The following DGKB variants were observed in gnomAD, a reference collection of about 807,000 sequenced individuals.
The protein encoded by DGKB is diacylglycerol kinase beta.
A neutral mutation model predicts 114.3 loss-of-function variants in DGKB; 67 were observed. That is an observed-to-expected ratio of 0.59 (90% confidence interval 0.48 to 0.72). DGKB has a LOEUF of 0.72. DGKB is among the 30% of genes least tolerant of loss of function. DGKB has a pLI of 0.00. For missense variants in DGKB, 907 were observed against 975.2 expected, an observed-to-expected ratio of 0.93 and a Z score of 0.93; for synonymous variants, 398 against 323.1, an observed-to-expected ratio of 1.23 and a Z score of -2.49.
At chr7:14,500,371 A>AT (rs1320303696) in intron 20 of DGKB, among the ~76,000 whole-genome samples, 3 of 151,644 alleles carry the variant, frequency 2.0e-5, no homozygotes, top group Admixed American at 6.6e-5. Flanking sequence ...AAAAATAGGT[A>AT]TTTTTTATTA....
chr7:14,669,838 C>T (rs1003191539), intron 13 of DGKB, among the ~76,000 whole-genome samples: 38 of 152,226 alleles, frequency 2.5e-4, no homozygotes, highest in African/African-American at 8.9e-4. Flanking sequence ...TCCCAGAACA[C>T]ATCAGTTGTT....
chr7:14,605,242 C>T (rs750308756), intron 17 of DGKB, among the ~76,000 whole-genome samples: 3 of 151,620 alleles, frequency 2.0e-5, no homozygotes, highest in South Asian at 2.1e-4. Context: ...TCTACTGAAA[C>T]GGAACAATGT....
At chr7:14,795,167 T>C (rs1007120381) in intron 2 of DGKB, among the ~76,000 whole-genome samples, 1 of 152,158 alleles carries the variant, frequency 6.6e-6, no homozygotes, top group Non-Finnish European at 1.5e-5. Context: ...CAGACAGAAA[T>C]CTGGAGAACA....
At chr7:14,681,298 T>C (rs1305615254) in intron 12 of DGKB, among the ~76,000 whole-genome samples, 4 of 152,094 alleles carry the variant, frequency 2.6e-5, no homozygotes. Context: ...AAATTTCAAA[T>C]GTAAACATAA....
intron 23 of DGKB, among the ~76,000 whole-genome samples, chr7:14,222,411 A>C (rs1336116099): frequency 6.6e-6 from 1 of 151,008 alleles, no homozygotes; most frequent in Admixed American, 6.6e-5. Context: ...GTTATTTTAG[A>C]GTATGTTTTT....
intron 17 of DGKB, among the ~76,000 whole-genome samples, chr7:14,593,138 C>T (rs1010407837): frequency 5.9e-4 from 90 of 151,996 alleles, no homozygotes; most frequent in African/African-American, 2.1e-3. Context: ...CCATTAATAA[C>T]TGAAACATTT....
At chr7:14,597,297 GAT>G (rs1306997250) in intron 17 of DGKB, among the ~76,000 whole-genome samples, 1 of 151,982 alleles carries the variant, frequency 6.6e-6, no homozygotes, top group East Asian at 1.9e-4. Flanking sequence ...ATCAAGAAGA[GAT>G]AAGTAAAAGT....
chr7:14,728,710 T>C (rs1830385420), intron 5 of DGKB, among the ~76,000 whole-genome samples: 2 of 151,958 alleles, frequency 1.3e-5, no homozygotes, highest in South Asian at 2.1e-4. Context: ...TCCTTTTTTT[T>C]TTTTTTTCTC....
chr7:14,747,313 C>G (rs1049273598), intron 4 of DGKB, among the ~76,000 whole-genome samples: 1 of 151,656 alleles, frequency 6.6e-6, no homozygotes, highest in Non-Finnish European at 1.5e-5. Flanking sequence ...CCACCTCATC[C>G]TCCCCAGTAT....
intron 21 of DGKB, among the ~76,000 whole-genome samples, chr7:14,351,233 G>A (rs147693365): frequency 4.6e-5 from 7 of 152,286 alleles, no homozygotes; most frequent in Admixed American, 4.6e-4. Flanking sequence ...GGGTTATAGG[G>A]TTACTCATTT....
intron 1 of DGKB, among the ~76,000 whole-genome samples, chr7:14,916,030 G>A (rs1010835070): frequency 6.6e-6 from 1 of 151,954 alleles, no homozygotes; most frequent in Admixed American, 6.6e-5. Flanking sequence ...TAAGTAAGAT[G>A]GATGACAACA....
chr7:14,886,655 C>T (rs969746054), intron 1 of DGKB, among the ~76,000 whole-genome samples: 1 of 151,904 alleles, frequency 6.6e-6, no homozygotes, highest in Non-Finnish European at 1.5e-5. Flanking sequence ...ACCATTACTG[C>T]AGTAATCTGG....
intron 21 of DGKB, among the ~76,000 whole-genome samples, chr7:14,362,029 G>C (rs1815844561): frequency 6.6e-6 from 1 of 151,892 alleles, no homozygotes; most frequent in South Asian, 2.1e-4. Flanking sequence ...AATATTATTG[G>C]ATATTTACGG....
At chr7:14,338,384 C>G (rs973000480) in intron 23 of DGKB, 131 bp downstream of exon 23, 1 of 494,566 alleles carries the variant, frequency 2.0e-6, no homozygotes, top group Admixed American at 4.0e-5. Context: ...ACATGGGTAT[C>G]CCATAATATG....
chr7:14,503,652 A>T (rs771737177), intron 20 of DGKB, among the ~76,000 whole-genome samples: 5 of 152,184 alleles, frequency 3.3e-5, no homozygotes. Context: ...TATGGGTCTG[A>T]GATGAGGCTA....
intron 20 of DGKB, among the ~76,000 whole-genome samples, chr7:14,491,195 C>G (rs1002665853): frequency 1.3e-5 from 2 of 151,982 alleles, no homozygotes; most frequent in Admixed American, 6.6e-5. Flanking sequence ...TGAGAGGGAG[C>G]AGATGGGAGA....
At chr7:14,553,130 C>A (rs1286889409) in intron 20 of DGKB, among the ~76,000 whole-genome samples, 2 of 152,230 alleles carry the variant, frequency 1.3e-5, no homozygotes, top group Admixed American at 6.5e-5. Flanking sequence ...CAGATGAATT[C>A]ATTCTACAAA....
At chr7:14,867,503 A>G (rs1223237823) in intron 1 of DGKB, among the ~76,000 whole-genome samples, 1 of 151,904 alleles carries the variant, frequency 6.6e-6, no homozygotes, top group African/African-American at 2.4e-5. Context: ...TTGTTGAAAG[A>G]CTATCTTTGC....
chr7:14,355,900 C>G lies in DGKB; in HGVS notation c.1836-10509G>C, dbSNP rs556747042. Among the ~76,000 whole-genome samples, 26 of 152,282 alleles carry G rather than the reference C, an allele frequency of 1.7e-4. 1 individual carries two copies. In the South Asian group the frequency reaches 4.3e-3, roughly 25 times the overall value. ...TGGTAGAATTCGGCTGTGAATCCAGCTGGTCCTGGACTTTTTTTGGTTGGT... is the reference window on the plus strand; with the variant it reads ...TGGTAGAATTCGGCTGTGAATCCAGGTGGTCCTGGACTTTTTTTGGTTGGT... On this transcript the variant is annotated intron_variant, in intron 21 of 25. Coordinates refer to ENST00000402815, the MANE Select transcript of DGKB (RefSeq NM_001350709.2).
Sources: allele counts gnomAD v4.1 joint callset (sites outside exome capture counted in the v4.1 genomes callset), GRCh38; gene constraint gnomAD v4.1.1; transcripts MANE v1.5; gene names NCBI Gene and HGNC (gene_info 2026-07-23, HGNC 2026-07-21).